ALK: variants seen among roughly 807,000 people sequenced by gnomAD.
ALK encodes ALK receptor tyrosine kinase.
Under a neutral mutation model 163.1 loss-of-function variants are expected in ALK, and 74 were observed. The observed-to-expected ratio is 0.45, with a 90% CI of 0.38 to 0.55. ALK has a LOEUF of 0.55. Among genes scored for constraint, ALK ranks in the 20% least tolerant of loss-of-function variants. The probability of loss-of-function intolerance (pLI) is 0.00; values close to 1 mark genes in which losing one functional copy is unlikely to be tolerated. For synonymous variants in ALK, 960 were observed against 843.2 expected, an observed-to-expected ratio of 1.14 and a Z score of -2.40; for missense variants, 2,063 against 2,105.3, an observed-to-expected ratio of 0.98 and a Z score of 0.39.
At chr2:29,878,548 G>A (rs1221788071) in intron 1 of ALK, among the ~76,000 whole-genome samples, 1 of 152,182 alleles carries the variant, frequency 6.6e-6, no homozygotes, top group South Asian at 2.1e-4. Context: ...ATGCTGAAAG[G>A]TCCTGTTGAG....
chr2:29,736,863 A>T (rs1353870545), intron 1 of ALK, among the ~76,000 whole-genome samples: 1 of 152,126 alleles, frequency 6.6e-6, no homozygotes, highest in Non-Finnish European at 1.5e-5. Flanking sequence ...AAATTTATGG[A>T]TCAGAAGTCT....
At chr2:29,357,728 A>G in intron 5 of ALK, among the ~76,000 whole-genome samples, 1 of 152,170 alleles carries the variant, frequency 6.6e-6, no homozygotes, top group East Asian at 1.9e-4. Flanking sequence ...TTTCATGTCA[A>G]TGCTCCCCCT....
intron 2 of ALK, among the ~76,000 whole-genome samples, chr2:29,698,726 GC>G (rs1251636513): frequency 6.6e-6 from 1 of 152,160 alleles, no homozygotes; most frequent in Non-Finnish European, 1.5e-5. Flanking sequence ...CTGTGTTTGG[GC>G]CAGATCCTGC....
At chr2:29,484,201 C>T (rs1462620813) in intron 4 of ALK, among the ~76,000 whole-genome samples, 2 of 152,084 alleles carry the variant, frequency 1.3e-5, no homozygotes, top group African/African-American at 4.8e-5. Flanking sequence ...ATATCATATA[C>T]TATTATTATA....
chr2:29,830,635 G>C (rs1439233910), intron 1 of ALK, among the ~76,000 whole-genome samples: 1 of 145,222 alleles, frequency 6.9e-6, no homozygotes, highest in Admixed American at 7.1e-5. Flanking sequence ...TCAGGAGACT[G>C]AGGGAGGAGG....
intron 4 of ALK, among the ~76,000 whole-genome samples, chr2:29,418,007 ACACCCCTGGGGCATGG>A (rs1261303154): frequency 6.6e-6 from 1 of 152,186 alleles, no homozygotes; most frequent in Non-Finnish European, 1.5e-5. Context: ...TCTAAGCTTC[ACACCCCTGGGGCATGG>A]CACCCCTTTA....
chr2:29,361,975 C>A (rs145449299), intron 5 of ALK, among the ~76,000 whole-genome samples: 6 of 152,030 alleles, frequency 3.9e-5, no homozygotes, highest in Non-Finnish European at 8.8e-5. Flanking sequence ...TCTGACCCTG[C>A]CCCAAGTAAT....
rs188666994 is a variant in ALK at position 29,291,203 on chromosome 2, T to A, written c.1817+5685A>T. Reference sequence around the variant, plus strand: ...CATAGCAAGACCCTGTCTGTACAATTTTTTTTTTTAATTAGCTGGGCATGG... The same window carrying A: ...CATAGCAAGACCCTGTCTGTACAATATTTTTTTTTAATTAGCTGGGCATGG... On this transcript the variant is annotated intron_variant, in intron 9 of 28. Transcript: ENST00000389048. Among the ~76,000 whole-genome samples, 8 of 149,706 alleles carry A rather than the reference T, an allele frequency of 5.3e-5. No individual in the cohort carries two copies. The East Asian group carries it at 1.6e-3, about 29-fold the overall frequency.
intron 3 of ALK, among the ~76,000 whole-genome samples, chr2:29,555,860 A>G (rs1021973528): frequency 1.3e-5 from 2 of 152,240 alleles, no homozygotes; most frequent in Non-Finnish European, 2.9e-5. Flanking sequence ...GGACTAAAGA[A>G]AAGGAAAAAG....
intron 9 of ALK, among the ~76,000 whole-genome samples, chr2:29,277,245 C>A (rs138768524): frequency 6.6e-6 from 1 of 152,158 alleles, no homozygotes; most frequent in Admixed American, 6.5e-5. Context: ...GGCAGCAAAG[C>A]TTTAGCCAGT....
At chr2:29,871,281 T>A (rs965624164) in intron 1 of ALK, among the ~76,000 whole-genome samples, 4 of 152,110 alleles carry the variant, frequency 2.6e-5, no homozygotes, top group Non-Finnish European at 5.9e-5. Context: ...TCCCGGGTTA[T>A]CTCCAAGGGC....
intron 1 of ALK, among the ~76,000 whole-genome samples, chr2:29,791,723 G>A (rs969123176): frequency 3.9e-5 from 6 of 151,932 alleles, no homozygotes; most frequent in Non-Finnish European, 5.9e-5. Context: ...TTTTCATGAC[G>A]CTTTTGTAAT....
At chr2:29,773,275 T>A (rs1440268443) in intron 1 of ALK, among the ~76,000 whole-genome samples, 1 of 152,056 alleles carries the variant, frequency 6.6e-6, no homozygotes, top group African/African-American at 2.4e-5. Flanking sequence ...TTTAGAGAAC[T>A]AGTTGTTCAA....
chr2:29,322,241 A>C (rs929539203), intron 6 of ALK, among the ~76,000 whole-genome samples: 1 of 152,196 alleles, frequency 6.6e-6, no homozygotes, highest in Non-Finnish European at 1.5e-5. Flanking sequence ...CTGTGACAGC[A>C]CCTTAGTGAA....
intron 5 of ALK, among the ~76,000 whole-genome samples, chr2:29,344,740 TC>T (rs1213916144): frequency 2.6e-5 from 4 of 152,204 alleles, no homozygotes; most frequent in African/African-American, 9.7e-5. Flanking sequence ...TATTTGTTGC[TC>T]AGAAATAGAT....
chr2:29,420,180 G>T (rs1026056190), intron 4 of ALK, among the ~76,000 whole-genome samples: 1 of 134,690 alleles, frequency 7.4e-6, no homozygotes, highest in African/African-American at 2.7e-5. Context: ...AAAAAAAAAG[G>T]TAGGGACCAC....
chr2:29,315,258 C>T (rs1388399879), intron 8 of ALK, among the ~76,000 whole-genome samples: 1 of 151,870 alleles, frequency 6.6e-6, no homozygotes, highest in Non-Finnish European at 1.5e-5. Context: ...GCTGCAGGAG[C>T]CTGGAGGGAG....
At chr2:29,805,842 C>T (rs1664595578) in intron 1 of ALK, among the ~76,000 whole-genome samples, 1 of 152,102 alleles carries the variant, frequency 6.6e-6, no homozygotes, top group African/African-American at 2.4e-5. Flanking sequence ...CTGGTTTCTC[C>T]CACCTCTCCA....
rs1022000724 is a variant in ALK, at chr2:29,888,261, T to A, written c.667+31732A>T. Among the ~76,000 whole-genome samples, 382 of 145,768 alleles carry A rather than the reference T, an allele frequency of 2.6e-3. 2 individuals are homozygous for A. The highest frequency in any genetic ancestry group is 8.5e-3 in the African/African-American group (331 of 39,138). On this transcript the variant is annotated intron_variant, in intron 1 of 28. Coordinates refer to ENST00000389048, the MANE Select transcript of ALK (RefSeq NM_004304.5). ...CCAATAAATTGTTTTTTTTTTTTTT[T>A]AAAAAAAGGGAAACTATGTATTAAG...
Sources: gnomAD v4.1 joint callset for allele counts (sites outside exome capture counted in the v4.1 genomes callset) on GRCh38, gnomAD v4.1.1 for gene constraint, MANE v1.5 for transcripts, NCBI Gene and HGNC (gene_info 2026-07-23, HGNC 2026-07-21) for gene names.